ERC2: variants seen among roughly 807,000 people sequenced by gnomAD.
The protein encoded by ERC2 is ELKS/RAB6-interacting/CAST family member 2.
Under a neutral mutation model 114.8 loss-of-function variants are expected in ERC2, and 42 were observed. That is an observed-to-expected ratio of 0.37 (90% CI 0.29 to 0.47). The LOEUF (loss-of-function observed/expected upper bound fraction) is 0.47, where lower values mean the gene tolerates loss of function less well. Ranked by LOEUF, ERC2 falls within the 20% of genes least tolerant of loss-of-function variation. ERC2 has a pLI of 0.99. For missense variants in ERC2, 939 were observed against 1,150.7 expected, an observed-to-expected ratio of 0.82 and a Z score of 2.66; for synonymous variants, 454 against 425.5, an observed-to-expected ratio of 1.07 and a Z score of -0.82.
intron 14 of ERC2, among the ~76,000 whole-genome samples, chr3:55,805,190 T>C (rs1241944817): frequency 2.6e-5 from 4 of 152,016 alleles, no homozygotes; most frequent in Non-Finnish European, 5.9e-5. Flanking sequence ...ACCAAGTGTA[T>C]GTTTTTAATT....
chr3:56,449,222 T>G (rs1309588660), intron 1 of ERC2, among the ~76,000 whole-genome samples: 1 of 150,958 alleles, frequency 6.6e-6, no homozygotes, highest in Non-Finnish European at 1.5e-5. Flanking sequence ...CCCAAGAAGA[T>G]GTACTAGGAA....
At chr3:55,743,593 C>CAAAAAAAAAAAAA (rs367859231) in intron 14 of ERC2, among the ~76,000 whole-genome samples, 6 of 97,188 alleles carry the variant, frequency 6.2e-5, no homozygotes, top group African/African-American at 8.3e-5. Flanking sequence ...CCTGATCCAC[C>CAAAAAAAAAAAAA]AAAAAAAAAA....
intron 2 of ERC2, among the ~76,000 whole-genome samples, chr3:56,400,747 T>C (rs558351486): frequency 4.6e-5 from 7 of 152,340 alleles, no homozygotes; most frequent in South Asian, 4.1e-4. Context: ...ATACCTGTTT[T>C]TACTATGTTC....
chr3:56,438,554 A>G (rs1375097323), intron 1 of ERC2, among the ~76,000 whole-genome samples: 1 of 152,194 alleles, frequency 6.6e-6, no homozygotes, highest in Non-Finnish European at 1.5e-5. Flanking sequence ...AATGATATAT[A>G]CTTTTTTCAT....
chr3:55,752,909 C>T (rs898861074), intron 14 of ERC2, among the ~76,000 whole-genome samples: 1 of 152,230 alleles, frequency 6.6e-6, no homozygotes, highest in African/African-American at 2.4e-5. Flanking sequence ...GGACCACCCC[C>T]TCAGTCACAA....
At chr3:55,862,369 G>A (rs978166141) in intron 14 of ERC2, among the ~76,000 whole-genome samples, 6 of 152,072 alleles carry the variant, frequency 3.9e-5, no homozygotes, top group Non-Finnish European at 8.8e-5. Context: ...CCTAAATATG[G>A]AAAGATGTCC....
intron 3 of ERC2, among the ~76,000 whole-genome samples, chr3:56,269,517 A>G (rs561259290): frequency 6.6e-6 from 1 of 152,334 alleles, no homozygotes; most frequent in African/African-American, 2.4e-5. Context: ...ATGTGAGAAA[A>G]GTGCTACAGA....
intron 17 of ERC2, among the ~76,000 whole-genome samples, chr3:55,570,765 C>T (rs1037937927): frequency 1.3e-5 from 2 of 152,098 alleles, no homozygotes; most frequent in Admixed American, 1.3e-4. Context: ...TTTTGTTTTG[C>T]TTTGTTTTCC....
intron 14 of ERC2, among the ~76,000 whole-genome samples, chr3:55,821,157 C>T (rs1490457908): frequency 2.0e-5 from 3 of 152,148 alleles, no homozygotes; most frequent in African/African-American, 7.2e-5. Flanking sequence ...ATCAACTGAA[C>T]AGTGAGATTA....
intron 7 of ERC2, among the ~76,000 whole-genome samples, chr3:56,038,468 C>T (rs998597858): frequency 6.6e-6 from 1 of 152,144 alleles, no homozygotes; most frequent in South Asian, 2.1e-4. Context: ...AAGAGGAATG[C>T]TTTTACATTG....
intron 4 of ERC2, among the ~76,000 whole-genome samples, chr3:56,170,476 G>A (rs140214010): frequency 3.7e-4 from 56 of 152,106 alleles, no homozygotes; most frequent in African/African-American, 6.0e-4. Flanking sequence ...TTTATGCAAA[G>A]TGTGTATATG....
intron 14 of ERC2, among the ~76,000 whole-genome samples, chr3:55,752,031 C>A (rs1416300849): frequency 6.6e-6 from 1 of 152,140 alleles, no homozygotes; most frequent in Non-Finnish European, 1.5e-5. Flanking sequence ...AGCAGGAAAT[C>A]CTAAACCTTT....
intron 17 of ERC2, among the ~76,000 whole-genome samples, chr3:55,526,581 C>G (rs1037490616): frequency 6.6e-6 from 1 of 152,196 alleles, no homozygotes; most frequent in African/African-American, 2.4e-5. Flanking sequence ...TATTTGTCCA[C>G]AGGCAACAGT....
rs563824046 is a variant in ERC2 at position 55,877,282 on chromosome 3, C to G, written c.2564+11107G>C. ...TCTCCAGACCTTGCCAAAGGTTCCC[C>G]TGATAGGTAAAACCACCCCCAATTA... is the stretch of plus-strand genomic sequence containing the variant. On this transcript the variant is annotated intron_variant, in intron 14 of 17. Transcript: ENST00000288221. Among the ~76,000 whole-genome samples, 5 of 152,192 alleles carry G rather than the reference C, an allele frequency of 3.3e-5. No homozygotes were observed. In the East Asian group the frequency reaches 9.7e-4, roughly 29 times the overall value.
At chr3:55,670,778 G>T (rs2148733991) in intron 17 of ERC2, among the ~76,000 whole-genome samples, 1 of 152,294 alleles carries the variant, frequency 6.6e-6, no homozygotes, top group South Asian at 2.1e-4. Context: ...GCTAGCCACT[G>T]GTTTTTGTGT....
At chr3:55,867,295 C>T (rs904337066) in intron 14 of ERC2, among the ~76,000 whole-genome samples, 6 of 152,120 alleles carry the variant, frequency 3.9e-5, no homozygotes, top group Non-Finnish European at 8.8e-5. Flanking sequence ...CTTTCCCACC[C>T]ACCACACCCA....
chr3:55,634,504 G>T (rs528600774), intron 17 of ERC2, among the ~76,000 whole-genome samples: 2 of 152,222 alleles, frequency 1.3e-5, no homozygotes, highest in African/African-American at 4.8e-5. Flanking sequence ...CTAAAAAAAC[G>T]TAAAAGCCAG....
chr3:56,243,647 G>A (rs1039507812), intron 3 of ERC2, among the ~76,000 whole-genome samples: 3 of 152,262 alleles, frequency 2.0e-5, no homozygotes, highest in South Asian at 4.2e-4. Context: ...TGTGAAGGAG[G>A]TTTTTAAATA....
At chr3:56,420,306 T>C (rs1253569086) in intron 2 of ERC2, among the ~76,000 whole-genome samples, 1 of 145,158 alleles carries the variant, frequency 6.9e-6, no homozygotes, top group African/African-American at 2.5e-5. Flanking sequence ...CACCTCAGCC[T>C]CACAAGTAGC....
Sources: gnomAD v4.1 joint callset for allele counts (sites outside exome capture counted in the v4.1 genomes callset) on GRCh38, gnomAD v4.1.1 for gene constraint, MANE v1.5 for transcripts, NCBI Gene and HGNC (gene_info 2026-07-23, HGNC 2026-07-21) for gene names.